Variants in ABCB1 observed in about 807,000 individuals in gnomAD.
The protein encoded by ABCB1 is ATP-dependent translocase ABCB1.
A neutral mutation model predicts 142.0 loss-of-function variants in ABCB1; 69 were observed. The ratio of observed to expected loss-of-function variants is 0.49; its 90% CI spans 0.40 to 0.59. The LOEUF is 0.59. Ranked by LOEUF, ABCB1 falls within the 20% of genes least tolerant of loss-of-function variation. The pLI is 0.00. For missense variants in ABCB1, 1,326 were observed against 1,554.7 expected, an observed-to-expected ratio of 0.85 and a Z score of 2.47; for synonymous variants, 532 against 539.2, an observed-to-expected ratio of 0.99 and a Z score of 0.18.
chr7:87,554,151 T>C (rs1817214574), intron 8 of ABCB1, among the ~76,000 whole-genome samples: 1 of 152,198 alleles, frequency 6.6e-6, no homozygotes, highest in Admixed American at 6.5e-5. Flanking sequence ...TGGGGGAGTC[T>C]TCTAAAATTT....
At position 87,589,432 on chromosome 7, in the gene ABCB1, G is replaced by A. The variant is rs563669980; in HGVS notation, c.118-3752C>T. Among the ~76,000 whole-genome samples, 382 of 152,148 alleles carry A rather than the reference G, an allele frequency of 2.5e-3. 1 individual carries two copies. Among genetic ancestry groups the A allele is most frequent in the Admixed American group, 7.0e-3 (107 of 15,256 alleles). ...TCAAAAAGCAGGCAGACCAAAAAACGTTGTAACACAGGTGAAATGTAAAAT... is the reference window on the plus strand; with the variant it reads ...TCAAAAAGCAGGCAGACCAAAAAACATTGTAACACAGGTGAAATGTAAAAT... On this transcript the variant is annotated intron_variant, in intron 3 of 27. Transcript: ENST00000622132.
At chr7:87,655,872 A>G (rs1824050378) in intron 1 of ABCB1, among the ~76,000 whole-genome samples, 1 of 152,050 alleles carries the variant, frequency 6.6e-6, no homozygotes, top group Non-Finnish European at 1.5e-5. Flanking sequence ...GAGTGGATTA[A>G]TACCTCTATA....
intron 1 of ABCB1, among the ~76,000 whole-genome samples, chr7:87,614,006 T>G (rs1050298009): frequency 6.6e-6 from 1 of 152,198 alleles, no homozygotes; most frequent in African/African-American, 2.4e-5. Flanking sequence ...TTTAGTTTTA[T>G]GATAATATTT....
rs1189101528 is a variant in ABCB1 at position 87,544,274 on chromosome 7, T to C, written c.2066A>G (p.Asp689Gly). 6.2e-7 allele frequency: 1 copy of C among 1,612,624 alleles called. No homozygotes were observed. The highest frequency in any genetic ancestry group is 1.3e-5 in the African/African-American group (1 of 74,996). Residue 689 changes from aspartate (D) to glycine (G), a missense_variant and splice_region_variant, in exon 17 of 28, where the codon GAT becomes GGT. Coordinates refer to ENST00000622132, the MANE Select transcript of ABCB1 (RefSeq NM_001348946.2). The part of the protein sequence containing the change: ...DRKLSTKEAL[D>G]ESIPPVSFWR... Reference sequence around the variant, plus strand: ...AAAGGAAACTGGAGGTATACTTTCATCCTAGAAAACACAAATTATTACAAC... The same window carrying C: ...AAAGGAAACTGGAGGTATACTTTCACCCTAGAAAACACAAATTATTACAAC...
At chr7:87,514,353 A>T (rs757623143) in intron 25 of ABCB1, among the ~76,000 whole-genome samples, 2 of 152,098 alleles carry the variant, frequency 1.3e-5, no homozygotes, top group Non-Finnish European at 2.9e-5. Context: ...TCTTAATTCT[A>T]TTCCTTCCTA....
rs148420960 is a variant in ABCB1 at position 87,667,844 on chromosome 7, C to G, written c.-331+45317G>C. Among the ~76,000 whole-genome samples, 354 of 152,188 alleles carry G rather than the reference C, an allele frequency of 2.3e-3. 1 individual carries two copies. Among genetic ancestry groups the G allele is most frequent in the African/African-American group, 8.1e-3 (335 of 41,550 alleles). ...ATCCTGGGGTTGAAGCCTACTCAAT[C>G]TTGATGGATTAGCTTTTTGATGTGC... On this transcript the variant is annotated intron_variant, in intron 1 of 28. Transcript: ENST00000265724.
At chr7:87,516,754 T>TTTTTTTTTTTTTTTTTTTTTTTG in intron 23 of ABCB1, 89 bp from the exon 24 acceptor site, 1 of 1,086,150 alleles carries the variant, frequency 9.2e-7, no homozygotes, top group East Asian at 2.6e-5. Flanking sequence ...TTTTTTTTTT[T>TTTTTTTTTTTTTTTTTTTTTTTG]GAGGTGGGGT....
intron 1 of ABCB1, among the ~76,000 whole-genome samples, chr7:87,658,766 T>C (rs1452118947): frequency 2.0e-5 from 3 of 152,302 alleles, no homozygotes; most frequent in Admixed American, 2.0e-4. Flanking sequence ...AGCAGAATTA[T>C]TCTTCAGCAA....
At chr7:87,561,112 CAA>C in intron 8 of ABCB1, 149 bp downstream of exon 8, 1 of 891,120 alleles carries the variant, frequency 1.1e-6, no homozygotes, top group South Asian at 2.2e-5. Context: ...GCAACTTCTC[CAA>C]AATATTAGTT....
At position 87,504,771 on chromosome 7, in the gene ABCB1, C is replaced by G. The variant is rs914220929; in HGVS notation, c.3637-322G>C. On this transcript the variant is annotated intron_variant, in intron 27 of 27. Transcript: ENST00000622132. Reference sequence around the variant, plus strand: ...AGGGAGCCAAGATTGCGCCACTGCACTCCAGCCTGGGCGACAGAGCGAGAC... The same window carrying G: ...AGGGAGCCAAGATTGCGCCACTGCAGTCCAGCCTGGGCGACAGAGCGAGAC... 4.0e-5 allele frequency among the ~76,000 whole-genome samples: 6 copies of G among 150,424 alleles called. No homozygotes were observed. In the East Asian group the frequency reaches 5.9e-4, roughly 15 times the overall value.
chr7:87,524,953 G>C (rs1365237270), intron 21 of ABCB1, among the ~76,000 whole-genome samples: 1 of 152,110 alleles, frequency 6.6e-6, no homozygotes, highest in African/African-American at 2.4e-5. Flanking sequence ...AGGAGTGTCT[G>C]GTCTGAGATT....
intron 1 of ABCB1, among the ~76,000 whole-genome samples, chr7:87,663,852 C>T (rs1018789458): frequency 2.0e-5 from 3 of 152,086 alleles, no homozygotes; most frequent in Admixed American, 6.6e-5. Flanking sequence ...GGTGGTTGGT[C>T]GTCTTCTCAC....
chr7:87,666,417 AT>A (rs1211829083), intron 1 of ABCB1, among the ~76,000 whole-genome samples: 2 of 151,998 alleles, frequency 1.3e-5, no homozygotes, highest in South Asian at 2.1e-4. Flanking sequence ...GTTTGTAAAT[AT>A]TTTTTTCCCA....
chr7:87,700,615 C>T, intron 1 of ABCB1: 1 of 1,487,280 alleles, frequency 6.7e-7, no homozygotes. Context: ...TTTGGAATAG[C>T]AGGAAGGTGT....
At chr7:87,521,132 A>T (rs1218248604) in intron 21 of ABCB1, 4 of 473,822 alleles carry the variant, frequency 8.4e-6, no homozygotes, top group Admixed American at 6.7e-5. Context: ...CATTGCTTAA[A>T]GCCACACAGC....
intron 1 of ABCB1, among the ~76,000 whole-genome samples, chr7:87,671,180 G>A (rs771274105): frequency 1.1e-4 from 16 of 152,194 alleles, no homozygotes; most frequent in Non-Finnish European, 2.4e-4. Flanking sequence ...ACTGTGGGGT[G>A]TGTGGGACCT....
At position 87,665,469 on chromosome 7, in the gene ABCB1, C is replaced by T. The variant is rs542415528; in HGVS notation, c.-331+47692G>A. On this transcript the variant is annotated intron_variant, in intron 1 of 28. Coordinates refer to the ABCB1 transcript ENST00000265724. Reference sequence around the variant, plus strand: ...AATAAATAGAAATATATCTCATGCTCATGGGTTGGAAGAATTTTTATTGTT... The same window carrying T: ...AATAAATAGAAATATATCTCATGCTTATGGGTTGGAAGAATTTTTATTGTT... 5.8e-4 allele frequency among the ~76,000 whole-genome samples: 89 copies of T among 152,208 alleles called. 1 individual carries two copies. Among genetic ancestry groups the T allele is most frequent in the African/African-American group, 2.1e-3 (88 of 41,542 alleles).
chr7:87,685,345 A>G (rs1198226344), intron 1 of ABCB1, among the ~76,000 whole-genome samples: 1 of 152,222 alleles, frequency 6.6e-6, no homozygotes, highest in East Asian at 1.9e-4. Context: ...GATGTTCAAC[A>G]TCATTAGTAA....
At chr7:87,709,431 A>G (rs1312213107) in intron 1 of ABCB1, 1 of 985,380 alleles carries the variant, frequency 1.0e-6, no homozygotes, top group African/African-American at 1.7e-5. Context: ...GCTACAGCTA[A>G]CTGCAGGTTC....
Sources: allele counts gnomAD v4.1 joint callset (sites outside exome capture counted in the v4.1 genomes callset), GRCh38; gene constraint gnomAD v4.1.1; transcripts MANE v1.5; gene names NCBI Gene and HGNC (gene_info 2026-07-23, HGNC 2026-07-21).